The following DSG2 variants were observed in gnomAD, a reference collection of about 807,000 sequenced individuals.
DSG2 encodes the protein desmoglein 2.
In DSG2, 45 loss-of-function variants were observed where a neutral mutation model predicts 75.6. That is an observed-to-expected ratio of 0.60 (90% CI 0.47 to 0.76). DSG2 has a LOEUF of 0.76. Among genes scored for constraint, DSG2 ranks in the 30% least tolerant of loss-of-function variants. The probability of loss-of-function intolerance (pLI) is 0.00; values close to 1 mark genes in which losing one functional copy is unlikely to be tolerated. For synonymous variants in DSG2, 429 were observed against 483.9 expected, an observed-to-expected ratio of 0.89 and a Z score of 1.49; for missense variants, 1,267 against 1,357.4, an observed-to-expected ratio of 0.93 and a Z score of 1.05.
chr18:31,513,181 A>G lies in DSG2; in HGVS notation c.46-5058A>G, dbSNP rs191792190. Among the ~76,000 whole-genome samples the G allele has an allele frequency of 9.0e-4, 137 of 152,336 alleles. 2 individuals are homozygous for G. The South Asian group carries it at 0.021, about 23-fold the overall frequency. On this transcript the variant is annotated intron_variant, in intron 1 of 14. Coordinates refer to ENST00000261590, the MANE Select transcript of DSG2 (RefSeq NM_001943.5). ...ATGTTGAATATCAATCGTAAGAAAA[A>G]GTTTAGAGAGAGAGTTGGTCCAAAT...
In DSG2 at chr18:31,520,067, T is replaced by C. The variant is rs1019985876; in HGVS notation, c.216+130T>C. 4.2e-6 allele frequency: 5 copies of C among 1,196,242 alleles called. No individual in the cohort carries two copies. In the Admixed American group the frequency reaches 9.0e-5, roughly 22 times the overall value. 74.1% of individuals were successfully genotyped at this position (1,196,242 alleles called of 1,614,324 possible). ...ACAGAATTTTTAAATATTCAAGATATATCTGAAAATTAGCAGAGCTTACTT... is the reference window on the plus strand; with the variant it reads ...ACAGAATTTTTAAATATTCAAGATACATCTGAAAATTAGCAGAGCTTACTT... On this transcript the variant is annotated intron_variant, in intron 3 of 14. Coordinates refer to ENST00000261590, the MANE Select transcript of DSG2 (RefSeq NM_001943.5).
At chr18:31,527,413 A>G (rs916453022) in intron 8 of DSG2, among the ~76,000 whole-genome samples, 6 of 152,202 alleles carry the variant, frequency 3.9e-5, no homozygotes, top group South Asian at 2.1e-4. Context: ...TTAGTGTACT[A>G]TGATAGCACA....
chr18:31,522,774 G>A (rs1482076948), intron 6 of DSG2, among the ~76,000 whole-genome samples: 2 of 152,060 alleles, frequency 1.3e-5, no homozygotes, highest in African/African-American at 2.4e-5. Context: ...GCTCCTCCAC[G>A]GCTAGTACGT....
intron 14 of DSG2, 102 bp downstream of exon 14, chr18:31,542,954 T>C: frequency 1.0e-6 from 1 of 968,302 alleles, no homozygotes; most frequent in Non-Finnish European, 1.4e-6. Context: ...CAAATGAGAC[T>C]TTGGGTTTTT....
chr18:31,523,181 C>T (rs948910469), intron 6 of DSG2, among the ~76,000 whole-genome samples: 2 of 152,026 alleles, frequency 1.3e-5, no homozygotes, highest in Admixed American at 1.3e-4. Context: ...GCGGGCAGAT[C>T]ACAAGGTCAG....
chr18:31,505,821 C>G (rs2073036537), intron 1 of DSG2, among the ~76,000 whole-genome samples: 1 of 151,940 alleles, frequency 6.6e-6, no homozygotes, highest in Admixed American at 6.6e-5. Context: ...GCCACCACGC[C>G]CATCTAATTT....
chr18:31,544,775 A>G (rs1289320956), intron 14 of DSG2, among the ~76,000 whole-genome samples: 1 of 152,210 alleles, frequency 6.6e-6, no homozygotes, highest in Non-Finnish European at 1.5e-5. Context: ...ATAATTTTTT[A>G]AAAAGTAGGA....
At chr18:31,542,943 C>A in intron 14 of DSG2, 91 bp downstream of exon 14, 3 of 1,024,684 alleles carry the variant, frequency 2.9e-6, no homozygotes, top group East Asian at 3.6e-5. Context: ...TGCCTTGGAT[C>A]CAAATGAGAC....
intron 8 of DSG2, among the ~76,000 whole-genome samples, chr18:31,526,005 G>T (rs764468144): frequency 1.4e-4 from 22 of 152,026 alleles, no homozygotes; most frequent in Non-Finnish European, 7.4e-5. Flanking sequence ...TTAGCCAAGC[G>T]TGGTGGTGCA....
chr18:31,498,428 A>T, intron 1 of DSG2, 132 bp downstream of exon 1: 4 of 978,522 alleles, frequency 4.1e-6, no homozygotes, highest in Non-Finnish European at 5.3e-6. Flanking sequence ...CTGCTGCCCG[A>T]GGGGGGAAAA....
At chr18:31,506,932 T>C (rs533524833) in intron 1 of DSG2, among the ~76,000 whole-genome samples, 4 of 152,110 alleles carry the variant, frequency 2.6e-5, no homozygotes, top group Non-Finnish European at 4.4e-5. Context: ...TGTTTTTTCT[T>C]TTTTTTTAAT....
chr18:31,548,449 C>G lies in DSG2; in HGVS notation c.*1706C>G, dbSNP rs2073330294. 8.7e-6 allele frequency: 1 copy of G among 114,664 alleles called. No individual in the cohort carries two copies. Among genetic ancestry groups the G allele is most frequent in the Non-Finnish European group, 1.7e-5 (1 of 58,162 alleles). The allele number at this position is 114,664 out of a possible 1,614,324, so 7.1% of individuals were successfully genotyped here. ...GCAAAGGATTTATATAGTGTGCTCCCACTAACTGTACAGATCAGGACACAT... is the reference window on the plus strand; with the variant it reads ...GCAAAGGATTTATATAGTGTGCTCCGACTAACTGTACAGATCAGGACACAT... On this transcript the variant is annotated 3_prime_UTR_variant, in exon 15 of 15. Transcript: ENST00000261590.
Position 31,546,987 on chromosome 18 carries a change from A to G in DSG2, c.*244A>G. The G allele has an allele frequency of 1.8e-6, 1 of 568,112 alleles. No individual in the cohort carries two copies. Among genetic ancestry groups the G allele is most frequent in the Non-Finnish European group, 3.2e-6 (1 of 316,150 alleles). The allele number at this position is 568,112 out of a possible 1,614,324, so 35.2% of individuals were successfully genotyped here. A position where few individuals can be genotyped will look rare whatever the true frequency, so the allele number is the denominator to read the frequency against. On this transcript the variant is annotated 3_prime_UTR_variant, in exon 15 of 15. Coordinates refer to ENST00000261590, the MANE Select transcript of DSG2 (RefSeq NM_001943.5). ...TGCTGCTGCTTAGGTGCCTTTTAGC[A>G]AGCTATGCAAACAATCCTGATAAAA...
At chr18:31,543,181 T>C in intron 14 of DSG2, 1 of 212,364 alleles carries the variant, frequency 4.7e-6, no homozygotes, top group Non-Finnish European at 9.4e-6. Flanking sequence ...GAGAGCAGAT[T>C]GTACCTGGGA....
intron 3 of DSG2, 27 bp from the exon 4 acceptor site, chr18:31,520,776 G>T: frequency 6.2e-7 from 1 of 1,611,376 alleles, no homozygotes; most frequent in South Asian, 1.1e-5. Context: ...AGTTCAACCT[G>T]AAACATTCCT....
intron 5 of DSG2, 57 bp downstream of exon 5, chr18:31,521,300 A>T: frequency 1.3e-6 from 2 of 1,490,028 alleles, no homozygotes; most frequent in African/African-American, 1.4e-5. Context: ...CTTTATCCCC[A>T]CTGTAAATAA....
intron 1 of DSG2, among the ~76,000 whole-genome samples, chr18:31,514,670 A>C (rs2073084512): frequency 6.6e-6 from 1 of 152,192 alleles, no homozygotes; most frequent in Admixed American, 6.5e-5. Flanking sequence ...TAGAAATGCA[A>C]AGTGTAAGGC....
intron 11 of DSG2, 22 bp downstream of exon 11, chr18:31,536,451 C>T: frequency 1.3e-6 from 2 of 1,590,730 alleles, no homozygotes; most frequent in South Asian, 1.1e-5. Flanking sequence ...CACTGGACTA[C>T]ATAGAAATCT....
At position 31,535,270 on chromosome 18, in the gene DSG2, A is replaced by T. The variant is rs370547219; in HGVS notation, c.1281A>T (p.Arg427Ser). ...DEDTGLPAHARYVKLEDRDNW... is the reference protein window; with the variant it reads ...DEDTGLPAHASYVKLEDRDNW... Reference sequence around the variant, plus strand: ...TAATTTTATGTTTGTTTTATGACAGATATGTAAAATTAGAAGATAGAGATA... The same window carrying T: ...TAATTTTATGTTTGTTTTATGACAGTTATGTAAAATTAGAAGATAGAGATA... Residue 427 changes from arginine (R) to serine (S), a missense_variant and splice_region_variant, in exon 10 of 15, where the codon AGA becomes AGT. Arg to Ser is a moderately radical substitution (Grantham distance 110). Transcript: ENST00000261590. The T allele has an allele frequency of 1.5e-5, 23 of 1,575,932 alleles. No individual in the cohort carries two copies. The highest frequency in any genetic ancestry group is 1.7e-5 in the Non-Finnish European group (20 of 1,147,972).
Sources: allele counts gnomAD v4.1 joint callset (sites outside exome capture counted in the v4.1 genomes callset), GRCh38; gene constraint gnomAD v4.1.1; transcripts MANE v1.5; gene names NCBI Gene and HGNC (gene_info 2026-07-23, HGNC 2026-07-21).